RGL1: variants seen among roughly 807,000 people sequenced by gnomAD.
RGL1 encodes ral guanine nucleotide dissociation stimulator like 1, also known as ral guanine nucleotide dissociation stimulator-like 1.
A neutral mutation model predicts 95.2 loss-of-function variants in RGL1; 24 were observed. The ratio of observed to expected loss-of-function variants is 0.25; its 90% CI spans 0.18 to 0.35. The LOEUF (loss-of-function observed/expected upper bound fraction) is 0.35, where lower values mean the gene tolerates loss of function less well. Among genes scored for constraint, RGL1 ranks in the 10% least tolerant of loss-of-function variants. The probability of loss-of-function intolerance (pLI) is 1.00; values close to 1 mark genes in which losing one functional copy is unlikely to be tolerated. For synonymous variants in RGL1, 329 were observed against 344.9 expected, an observed-to-expected ratio of 0.95 and a Z score of 0.51; for missense variants, 715 against 936.3, an observed-to-expected ratio of 0.76 and a Z score of 3.08.
At chr1:183,709,261 C>T (rs1316692061) in intron 1 of RGL1, 1 of 152,284 alleles carries the variant, frequency 6.6e-6, no homozygotes, top group Non-Finnish European at 1.5e-5. Context: ...AGTTATTCAC[C>T]CCCTCACCCT....
chr1:183,862,880 A>G (rs1665593639), intron 3 of RGL1, among the ~76,000 whole-genome samples: 1 of 152,254 alleles, frequency 6.6e-6, no homozygotes, highest in African/African-American at 2.4e-5. Flanking sequence ...CTAATGGACA[A>G]TTAACACAAC....
chr1:183,644,582 C>G (rs763669697), intron 1 of RGL1, among the ~76,000 whole-genome samples: 1 of 152,100 alleles, frequency 6.6e-6, no homozygotes, highest in African/African-American at 2.4e-5. Context: ...GTAGCCACCA[C>G]GCCTGGCCGA....
chr1:183,799,960 A>G (rs1345423498), intron 2 of RGL1, among the ~76,000 whole-genome samples: 5 of 152,220 alleles, frequency 3.3e-5, no homozygotes, highest in Non-Finnish European at 5.9e-5. Context: ...CAAGTACTCT[A>G]TCAGATACTT....
intron 15 of RGL1, 71 bp from the exon 16 acceptor site, chr1:183,916,376 G>A (rs145808796): frequency 3.2e-6 from 5 of 1,569,002 alleles, no homozygotes; most frequent in Non-Finnish European, 3.5e-6. Flanking sequence ...ATCTACCTCT[G>A]CTTTGAAAAT....
intron 2 of RGL1, among the ~76,000 whole-genome samples, chr1:183,767,167 C>T (rs12057702): frequency 6.7e-6 from 1 of 148,600 alleles, no homozygotes; most frequent in Non-Finnish European, 1.5e-5. Context: ...TTGCAGTGAG[C>T]TATGATCATG....
At chr1:183,868,311 G>C (rs1407658258) in intron 4 of RGL1, among the ~76,000 whole-genome samples, 1 of 152,220 alleles carries the variant, frequency 6.6e-6, no homozygotes, top group Non-Finnish European at 1.5e-5. Flanking sequence ...TTTCTTGCAG[G>C]AGAGTTTGGA....
intron 1 of RGL1, among the ~76,000 whole-genome samples, chr1:183,718,581 C>T (rs187940709): frequency 8.6e-4 from 131 of 152,212 alleles, no homozygotes; most frequent in Non-Finnish European, 2.6e-4. Flanking sequence ...AAGTTGGAAT[C>T]CTGGATCCAC....
chr1:183,679,359 G>T (rs1317054169), intron 1 of RGL1, among the ~76,000 whole-genome samples: 3 of 151,902 alleles, frequency 2.0e-5, no homozygotes, highest in African/African-American at 7.3e-5. Flanking sequence ...TCTACATTAG[G>T]TATTTCTCCT....
intron 1 of RGL1, among the ~76,000 whole-genome samples, chr1:183,719,720 A>G (rs533072003): frequency 6.6e-6 from 1 of 152,370 alleles, no homozygotes; most frequent in Non-Finnish European, 1.5e-5. Flanking sequence ...AGCCTGGCCA[A>G]CATGGGTGAA....
rs1010439060 is a variant in RGL1, at chr1:183,860,400, G to A, written c.348-5596G>A. ...GAGTAAAACCAGAGTCCTTGCCACA[G>A]CCTACCTACCAGGCCCTCAGCATCT... is the stretch of plus-strand genomic sequence containing the variant. On this transcript the variant is annotated intron_variant, in intron 3 of 17. Coordinates refer to ENST00000360851, the MANE Select transcript of RGL1 (RefSeq NM_001297671.3). Among the ~76,000 whole-genome samples the A allele has an allele frequency of 2.6e-5, 4 of 152,152 alleles. No individual in the cohort carries two copies. In the South Asian group the frequency reaches 8.3e-4, roughly 32 times the overall value.
At chr1:183,875,586 CAAT>C (rs1243159227) in intron 4 of RGL1, among the ~76,000 whole-genome samples, 1 of 152,084 alleles carries the variant, frequency 6.6e-6, no homozygotes, top group Non-Finnish European at 1.5e-5. Context: ...GCTGAGAAAT[CAAT>C]GAGTGGCCAG....
chr1:183,697,581 T>G (rs1654328787), intron 1 of RGL1, among the ~76,000 whole-genome samples: 1 of 152,216 alleles, frequency 6.6e-6, no homozygotes, highest in African/African-American at 2.4e-5. Context: ...CTCCTTGTAT[T>G]GCACAAAATG....
At chr1:183,867,261 G>A (rs528080030) in intron 4 of RGL1, among the ~76,000 whole-genome samples, 1 of 152,326 alleles carries the variant, frequency 6.6e-6, no homozygotes, top group East Asian at 1.9e-4. Context: ...GACTGAGCCT[G>A]GTTCCTTGGG....
At chr1:183,817,751 A>G (rs909939009) in intron 2 of RGL1, among the ~76,000 whole-genome samples, 2 of 152,194 alleles carry the variant, frequency 1.3e-5, no homozygotes, top group African/African-American at 4.8e-5. Flanking sequence ...CCCTGAATCT[A>G]CTGACTGTGT....
chr1:183,832,902 G>A (rs914486674), intron 2 of RGL1, among the ~76,000 whole-genome samples: 11 of 151,902 alleles, frequency 7.2e-5, no homozygotes, highest in African/African-American at 2.2e-4. Flanking sequence ...CAATAGTGCC[G>A]ATTCTCCAGG....
At chr1:183,779,539 C>T (rs906776576) in intron 2 of RGL1, among the ~76,000 whole-genome samples, 11 of 152,104 alleles carry the variant, frequency 7.2e-5, no homozygotes, top group South Asian at 6.2e-4. Context: ...CATGAGCCAC[C>T]GTGCCTGGCC....
chr1:183,775,084 A>C (rs1314811232), intron 2 of RGL1, among the ~76,000 whole-genome samples: 2 of 152,124 alleles, frequency 1.3e-5, no homozygotes, highest in Non-Finnish European at 2.9e-5. Flanking sequence ...TTAGTCCCTC[A>C]GGTAGATGGA....
intron 1 of RGL1, among the ~76,000 whole-genome samples, chr1:183,682,655 T>C (rs1009904099): frequency 1.3e-5 from 2 of 152,126 alleles, no homozygotes; most frequent in African/African-American, 4.8e-5. Flanking sequence ...TGATTTGGGG[T>C]GGAGAGTTCT....
At chr1:183,881,707 A>G (rs1375389299) in intron 5 of RGL1, among the ~76,000 whole-genome samples, 1 of 152,264 alleles carries the variant, frequency 6.6e-6, no homozygotes, top group Non-Finnish European at 1.5e-5. Flanking sequence ...ATAGACCTAA[A>G]TTCCAAACAA....
Sources: allele counts gnomAD v4.1 joint callset (sites outside exome capture counted in the v4.1 genomes callset), GRCh38; gene constraint gnomAD v4.1.1; transcripts MANE v1.5; gene names NCBI Gene and HGNC (gene_info 2026-07-23, HGNC 2026-07-21).